Variants in DUSP15 observed in about 807,000 individuals in gnomAD.
DUSP15 encodes the protein dual specificity phosphatase 15.
In DUSP15, 23 loss-of-function variants were observed where a neutral mutation model predicts 26.3. The ratio of observed to expected loss-of-function variants is 0.87; its 90% CI spans 0.63 to 1.24. The LOEUF is 1.24. Ranked by LOEUF, DUSP15 falls within the 50% of genes most tolerant of loss-of-function variation. The probability of loss-of-function intolerance (pLI) is 0.00; values close to 1 mark genes in which losing one functional copy is unlikely to be tolerated. For missense variants in DUSP15, 364 were observed against 320.6 expected (o/e 1.14, Z -1.03); for synonymous variants, 143 against 135.5 (o/e 1.06, Z -0.39).
intron 6 of DUSP15, among the ~76,000 whole-genome samples, chr20:31,852,742 C>T (rs1203652340): frequency 6.6e-6 from 1 of 152,016 alleles, no homozygotes; most frequent in Admixed American, 6.5e-5. Flanking sequence ...ACCTGGGTGG[C>T]GGAGGTTGCA....
At chr20:31,857,731 CTCTT>C (rs1364851333), downstream of DUSP15, among the ~76,000 whole-genome samples, 1 of 152,270 alleles carries the variant, frequency 6.6e-6, no homozygotes, top group Non-Finnish European at 1.5e-5. Flanking sequence ...GCTTAACCAT[CTCTT>C]TCTCAAGAAA....
chr20:31,858,639 G>A (rs2062600329), downstream of DUSP15, among the ~76,000 whole-genome samples: 1 of 152,176 alleles, frequency 6.6e-6, no homozygotes, highest in Non-Finnish European at 1.5e-5. The surrounding 1 kb of genome is among the most constrained non-coding windows in gnomAD (Gnocchi z 4.4). Context: ...GGTCTCAGGA[G>A]GCCGGCCCCC....
Position 31,861,345 on chromosome 20 carries a change from G to C in DUSP15, c.*58C>G, listed in dbSNP as rs1600461806. On this transcript the variant is annotated 3_prime_UTR_variant, in exon 7 of 7. Transcript: ENST00000339738. ...GCCCGTCCTGGGGGGCGTGGAAGGC[G>C]CAGACAGCCCCCGAAGGGAGCCAGT... 6.2e-6 allele frequency: 9 copies of C among 1,442,114 alleles called. No homozygotes were observed. In the East Asian group the frequency reaches 2.6e-4, roughly 41 times the overall value. The allele number at this position is 1,442,114 out of a possible 1,614,324, so 89.3% of individuals were successfully genotyped here.
downstream of DUSP15, chr20:31,861,066 G>T: frequency 8.9e-7 from 1 of 1,128,364 alleles, no homozygotes; most frequent in Non-Finnish European, 1.1e-6. Flanking sequence ...GGAGGCACTC[G>T]GACAGGCAGC....
At chr20:31,855,266 G>T (rs972956462) in intron 6 of DUSP15, among the ~76,000 whole-genome samples, 3 of 152,224 alleles carry the variant, frequency 2.0e-5, no homozygotes, top group African/African-American at 4.8e-5. Context: ...GAATGTTCCT[G>T]GGTGGTTGGG....
chr20:31,846,440 AATAGAGAG>A (rs1293025070), downstream of DUSP15, among the ~76,000 whole-genome samples: 3 of 95,294 alleles, frequency 3.1e-5, no homozygotes, highest in African/African-American at 1.8e-4. Flanking sequence ...GAAAGGAATG[AATAGAGAG>A]AGAGAGAGAG....
chr20:31,849,595 G>T, intron 8 of DUSP15: 1 of 1,399,518 alleles, frequency 7.1e-7, no homozygotes, highest in South Asian at 1.2e-5. Context: ...GCTCCACCTT[G>T]TTGGGCTGCG....
At chr20:31,853,525 T>C (rs1186655942) in intron 6 of DUSP15, among the ~76,000 whole-genome samples, 1 of 151,254 alleles carries the variant, frequency 6.6e-6, no homozygotes, top group African/African-American at 2.4e-5. Context: ...CTAAAAAAAA[T>C]AAAAAATAAA....
chr20:31,853,176 G>C (rs775097730), intron 6 of DUSP15, among the ~76,000 whole-genome samples: 2 of 152,108 alleles, frequency 1.3e-5, no homozygotes, highest in African/African-American at 2.4e-5. Context: ...ATTGAATGAG[G>C]AATAAGATAG....
At chr20:31,852,124 C>T (rs895036791) in intron 6 of DUSP15, among the ~76,000 whole-genome samples, 1 of 151,914 alleles carries the variant, frequency 6.6e-6, no homozygotes, top group Non-Finnish European at 1.5e-5. Flanking sequence ...TCTCCCGCCT[C>T]AGCCTCTTGA....
rs2062868499 is a variant in DUSP15, at chr20:31,869,571, G to A, written c.48C>T (p.Asn16=). 2.5e-6 allele frequency: 4 copies of A among 1,613,366 alleles called. No individual in the cohort carries two copies. The highest frequency in any genetic ancestry group is 3.4e-6 in the Non-Finnish European group (4 of 1,179,740). The part of the protein sequence containing the change: ...TKVLPGLYLG[N]FIDAKDLDQL... ...AGAGTGGGCAGTGCTCACCAATGAAGTTTCCGAGGTAGAGTCCAGGAAGTA... is the reference window on the plus strand; with the variant it reads ...AGAGTGGGCAGTGCTCACCAATGAAATTTCCGAGGTAGAGTCCAGGAAGTA... Residue 16 remains asparagine (N), a synonymous_variant, in exon 2 of 7, where the codon AAC becomes AAT. Transcript: ENST00000339738.
In DUSP15 at chr20:31,855,389, C is replaced by T. The variant is rs532536576; in HGVS notation, c.427-4713G>A. 1.4e-4 allele frequency among the ~76,000 whole-genome samples: 21 copies of T among 152,168 alleles called. No homozygotes were observed. The South Asian group carries it at 3.3e-3, about 24-fold the overall frequency. On this transcript the variant is annotated intron_variant, in intron 6 of 9. Coordinates refer to the DUSP15 transcript ENST00000278979. ...TCATAGCAAATAGGATAATTTGCAA[C>T]GACAGGATCTATGAATAATGAGGGT...
Position 31,861,670 on chromosome 20 carries a change from G to T in DUSP15, c.441C>A (p.Arg147=). The change falls in exon 7 of 7, where the codon CGC becomes CGA. Residue 147 remains arginine (R), a synonymous_variant. Coordinates refer to ENST00000339738, the MANE Select transcript of DUSP15 (RefSeq NM_080611.5). The part of the protein sequence containing the change: ...EFGWASSQKL[R]RQLEERFGES... ...CGCCGAAGCGCTCCTCCAGCTGCCG[G>T]CGAAGCTGGGGTGGGCGGGTGAGGT... is the stretch of plus-strand genomic sequence containing the variant. The T allele has an allele frequency of 7.0e-7, 1 of 1,424,768 alleles. No homozygotes were observed. The highest frequency in any genetic ancestry group is 9.2e-7 in the Non-Finnish European group (1 of 1,091,460). The allele number at this position is 1,424,768 out of a possible 1,614,324, so 88.3% of individuals were successfully genotyped here. A position where few individuals can be genotyped will look rare whatever the true frequency, so the allele number is the denominator to read the frequency against.
At chr20:31,865,607 A>G (rs926228283) in intron 3 of DUSP15, among the ~76,000 whole-genome samples, 3 of 152,168 alleles carry the variant, frequency 2.0e-5, no homozygotes. Flanking sequence ...TAACATTTTT[A>G]TATTCAAATG....
At chr20:31,867,225 A>C (rs2062788187) in intron 2 of DUSP15, 72 bp from the exon 3 acceptor site, 1 of 1,369,634 alleles carries the variant, frequency 7.3e-7, no homozygotes, top group African/African-American at 1.4e-5. Flanking sequence ...GAGGGAGCTC[A>C]CTGCCTGCCC....
At chr20:31,863,646 C>T (rs889156115) in intron 5 of DUSP15, 3 of 452,052 alleles carry the variant, frequency 6.6e-6, no homozygotes, top group Non-Finnish European at 1.2e-5. Context: ...ACAGTCCCAT[C>T]AGGTCAGCTT....
Position 31,869,564 on chromosome 20 carries a change from C to A in DUSP15, c.55G>T (p.Asp19Tyr). The A allele has an allele frequency of 6.2e-7, 1 of 1,612,934 alleles. No homozygotes were observed. The highest frequency in any genetic ancestry group is 1.1e-5 in the South Asian group (1 of 90,662). ...LPGLYLGNFI[D>Y]AKDLDQLGRN... ...TCGGGACAGAGTGGGCAGTGCTCAC[C>A]AATGAAGTTTCCGAGGTAGAGTCCA... The change falls in exon 2 of 7, where the codon GAT becomes TAT. Residue 19 changes from aspartate (D) to tyrosine (Y), a missense_variant and splice_region_variant. Asp to Tyr is a radical substitution (Grantham distance 160, BLOSUM62 -3). Transcript: ENST00000339738.
downstream of DUSP15, among the ~76,000 whole-genome samples, chr20:31,856,391 T>C (rs967715344): frequency 6.6e-6 from 1 of 151,384 alleles, no homozygotes; most frequent in Non-Finnish European, 1.5e-5. Context: ...TAGGGGAGGG[T>C]CGAGGCTAGA....
chr20:31,865,039 C>G, intron 3 of DUSP15, 37 bp from the exon 4 acceptor site: 1 of 1,612,306 alleles, frequency 6.2e-7, no homozygotes, highest in Non-Finnish European at 8.5e-7. Context: ...GGGGACCTTG[C>G]CTGCAACCCT....
Sources: allele counts gnomAD v4.1 joint callset (sites outside exome capture counted in the v4.1 genomes callset), GRCh38; gene constraint gnomAD v4.1.1; non-coding constraint Gnocchi (gnomAD v3.1); transcripts MANE v1.5; gene names NCBI Gene and HGNC (gene_info 2026-07-23, HGNC 2026-07-21).